ITGAE: variants seen among roughly 807,000 people sequenced by gnomAD.
The protein encoded by ITGAE is integrin alpha-E.
A neutral mutation model predicts 136.5 loss-of-function variants in ITGAE; 99 were observed. That is an observed-to-expected ratio of 0.73 (90% CI 0.62 to 0.86). The LOEUF (loss-of-function observed/expected upper bound fraction) is 0.86. Among genes scored for constraint, ITGAE ranks in the 40% least tolerant of loss-of-function variants. The pLI is 0.00. For synonymous variants in ITGAE, 613 were observed against 591.8 expected (o/e 1.04, Z -0.52); for missense variants, 1,447 against 1,515.3 (o/e 0.95, Z 0.75).
chr17:3,734,288 T>C lies in ITGAE; in HGVS notation c.2655+529A>G, dbSNP rs375218981. Among the ~76,000 whole-genome samples, 28 of 152,268 alleles carry C rather than the reference T, an allele frequency of 1.8e-4. 1 individual carries two copies. In the East Asian group the frequency reaches 4.1e-3, roughly 22 times the overall value. On this transcript the variant is annotated intron_variant, in intron 21 of 30. Transcript: ENST00000263087. ...CGGGGTTTCACCGTGTTAGCCAGGA[T>C]GGTCTCGATCTCCTGACCTCGTGAT...
intron 23 of ITGAE, among the ~76,000 whole-genome samples, chr17:3,730,113 A>C (rs2051306626): frequency 1.3e-5 from 2 of 152,084 alleles, no homozygotes; most frequent in Non-Finnish European, 2.9e-5. Flanking sequence ...ACTGCAGAAC[A>C]GGTGCTTCTG....
chr17:3,800,946 C>T (rs9889931), intron 1 of ITGAE, among the ~76,000 whole-genome samples, 165 bp downstream of exon 1: 23,460 of 152,224 alleles, frequency 0.15, 5,813 homozygotes, highest in African/African-American at 0.52. Flanking sequence ...AGCCTGGGGC[C>T]CTGACCCACC....
In ITGAE at chr17:3,799,878, A is replaced by T. The variant is rs879348744; in HGVS notation, c.34+1233T>A. On this transcript the variant is annotated intron_variant, in intron 1 of 30. Coordinates refer to ENST00000263087, the MANE Select transcript of ITGAE (RefSeq NM_002208.5). The surrounding 1 kb of genome is among the most constrained non-coding windows in gnomAD (Gnocchi z 4.1). ...GGTGGCTCATGCCTGTAGTCCCAACACTTTGGGAGGCCGAGGCAGGTCGAT... is the reference window on the plus strand; with the variant it reads ...GGTGGCTCATGCCTGTAGTCCCAACTCTTTGGGAGGCCGAGGCAGGTCGAT... Among the ~76,000 whole-genome samples, 2 of 152,194 alleles carry T rather than the reference A, an allele frequency of 1.3e-5. No homozygotes were observed. Among genetic ancestry groups the T allele is most frequent in the African/African-American group, 2.4e-5 (1 of 41,450 alleles).
At chr17:3,715,578 G>A (rs988556677) in intron 30 of ITGAE, among the ~76,000 whole-genome samples, 12 of 152,164 alleles carry the variant, frequency 7.9e-5, no homozygotes, top group African/African-American at 2.7e-4. Context: ...AAAAAGCAAG[G>A]TCAGGTGCTT....
intron 29 of ITGAE, chr17:3,717,093 G>A: frequency 3.3e-6 from 1 of 298,820 alleles, no homozygotes; most frequent in Non-Finnish European, 6.4e-6. Flanking sequence ...GCTTGAAAGA[G>A]GGTCCCACGG....
At chr17:3,794,628 G>A (rs562932241) in intron 1 of ITGAE, among the ~76,000 whole-genome samples, 188 of 152,300 alleles carry the variant, frequency 1.2e-3, no homozygotes, top group Non-Finnish European at 1.4e-3. Flanking sequence ...AGGCCGTACT[G>A]TTCCCGCTGC....
chr17:3,790,257 A>G (rs2052905222), intron 1 of ITGAE, among the ~76,000 whole-genome samples: 1 of 152,226 alleles, frequency 6.6e-6, no homozygotes, highest in African/African-American at 2.4e-5. Flanking sequence ...CTGTAATCCC[A>G]GCATTTTGGG....
intron 19 of ITGAE, among the ~76,000 whole-genome samples, chr17:3,741,484 C>A (rs1002053707): frequency 2.6e-5 from 4 of 152,132 alleles, no homozygotes; most frequent in African/African-American, 7.2e-5. Context: ...CCAGCCAGAA[C>A]GCACTCTCTG....
intron 1 of ITGAE, 80 bp from the exon 2 acceptor site, chr17:3,777,740 C>T (rs978925245): frequency 1.7e-5 from 25 of 1,486,964 alleles, no homozygotes; most frequent in Non-Finnish European, 1.7e-5. Flanking sequence ...GTCATGAACC[C>T]CGTTTTACAG....
At chr17:3,781,197 T>G in intron 1 of ITGAE, among the ~76,000 whole-genome samples, 1 of 152,218 alleles carries the variant, frequency 6.6e-6, no homozygotes, top group East Asian at 1.9e-4. Flanking sequence ...GTCTTGCATA[T>G]GCTGTTTTCC....
At position 3,745,499 on chromosome 17, in the gene ITGAE, G is replaced by A. The variant is rs764790680; in HGVS notation, c.2319+265C>T. 4.6e-5 allele frequency among the ~76,000 whole-genome samples: 7 copies of A among 152,088 alleles called. 1 individual carries two copies. Among genetic ancestry groups the A allele is most frequent in the Non-Finnish European group, 1.5e-5 (1 of 67,976 alleles). On this transcript the variant is annotated intron_variant, in intron 18 of 30. Coordinates refer to ENST00000263087, the MANE Select transcript of ITGAE (RefSeq NM_002208.5). ...TGGGATTACAGGCACCCGCCATCAC[G>A]CCCGGCTAATTTTTGTGTTTTTAGT...
chr17:3,760,430 CTTTTTTTTTTTTTTTTTT>C (rs1208333239), intron 6 of ITGAE, 143 bp from the exon 7 acceptor site: 9 of 64,212 alleles, frequency 1.4e-4, no homozygotes, highest in Non-Finnish European at 5.5e-5. Context: ...AAGAGGGAAG[CTTTTTTTTTTTTTTTTTT>C]TTTTTTTTTG....
intron 14 of ITGAE, among the ~76,000 whole-genome samples, chr17:3,753,036 A>G (rs8079930): frequency 0.034 from 5,187 of 152,344 alleles, 160 homozygotes; most frequent in African/African-American, 0.073. Flanking sequence ...CAACGAGAGC[A>G]AAACTCCATC....
chr17:3,769,128 C>T (rs2052362442), intron 2 of ITGAE, among the ~76,000 whole-genome samples: 1 of 152,186 alleles, frequency 6.6e-6, no homozygotes. Flanking sequence ...GGCTCCACCG[C>T]AGACCCCGTT....
intron 1 of ITGAE, among the ~76,000 whole-genome samples, chr17:3,797,229 A>T (rs187341028): frequency 2.2e-4 from 30 of 138,900 alleles, no homozygotes; most frequent in Admixed American, 1.6e-3. Flanking sequence ...GCAGTGGCGC[A>T]ATCTCGGCTC....
At chr17:3,784,682 C>T (rs200267811) in intron 1 of ITGAE, among the ~76,000 whole-genome samples, 4 of 152,066 alleles carry the variant, frequency 2.6e-5, no homozygotes, top group East Asian at 1.9e-4. Flanking sequence ...CGTGAGCCAC[C>T]GCACCCTCAG....
In ITGAE at chr17:3,743,539, G is replaced by C; in HGVS notation, c.2398C>G (p.His800Asp). 6.2e-7 allele frequency: 1 copy of C among 1,611,890 alleles called. No homozygotes were observed. Among genetic ancestry groups the C allele is most frequent in the Non-Finnish European group, 8.5e-7 (1 of 1,179,360 alleles). The change falls in exon 19 of 31, where the codon CAT (histidine) becomes GAT (aspartate). Residue 800 changes from histidine (H) to aspartate (D), a missense_variant. Physicochemically the swap from His to Asp is moderately conservative, Grantham distance 81. Coordinates refer to ENST00000263087, the MANE Select transcript of ITGAE (RefSeq NM_002208.5). Reference sequence around the variant, plus strand: ...TAGCGGTCCAGGATGGGCTGGGGATGGTCCGTCTGTCCCTCAGGGGTCTGG... The same window carrying C: ...TAGCGGTCCAGGATGGGCTGGGGATCGTCCGTCTGTCCCTCAGGGGTCTGG... ...QLQTPEGQTD[H>D]PQPILDRYTE...
chr17:3,755,277 A>C lies in ITGAE; in HGVS notation c.1240-16T>G. 6.4e-7 allele frequency: 1 copy of C among 1,562,722 alleles called. No homozygotes were observed. The highest frequency in any genetic ancestry group is 8.6e-7 in the Non-Finnish European group (1 of 1,160,992). ...GCACCTGCCGCTGAAGGGGACGGGG[A>C]TGGGGCCCAGATGAGTGGGAGGGAC... is the stretch of plus-strand genomic sequence containing the variant. On this transcript the variant is annotated splice_polypyrimidine_tract_variant and intron_variant, in intron 11 of 30. Coordinates refer to ENST00000263087, the MANE Select transcript of ITGAE (RefSeq NM_002208.5).
chr17:3,753,748 G>C, intron 13 of ITGAE, 35 bp downstream of exon 13: 2 of 1,611,248 alleles, frequency 1.2e-6, no homozygotes, highest in Non-Finnish European at 1.7e-6. Flanking sequence ...ATTCCCCATC[G>C]GTCATAAGGG....
Sources: allele counts gnomAD v4.1 joint callset (sites outside exome capture counted in the v4.1 genomes callset), GRCh38; gene constraint gnomAD v4.1.1; non-coding constraint Gnocchi (gnomAD v3.1); transcripts MANE v1.5; gene names NCBI Gene and HGNC (gene_info 2026-07-23, HGNC 2026-07-21).